ZNRF3: variants seen among roughly 807,000 people sequenced by gnomAD.
ZNRF3 encodes the protein E3 ubiquitin-protein ligase ZNRF3.
In ZNRF3, 23 loss-of-function variants were observed where a neutral mutation model predicts 72.5. That is an observed-to-expected ratio of 0.32 (90% CI 0.23 to 0.45). The LOEUF is 0.45. Ranked by LOEUF, ZNRF3 falls within the 20% of genes least tolerant of loss-of-function variation. The pLI is 1.00. For synonymous variants in ZNRF3, 610 were observed against 545.3 expected (o/e 1.12, Z -1.65); for missense variants, 1,169 against 1,272.1 (o/e 0.92, Z 1.23).
intron 1 of ZNRF3, among the ~76,000 whole-genome samples, chr22:28,964,499 A>G (rs2035424492): frequency 6.6e-6 from 1 of 152,212 alleles, no homozygotes; most frequent in Non-Finnish European, 1.5e-5. Flanking sequence ...GTGTATCCAG[A>G]GGCCATGCAG....
At position 29,056,903 on chromosome 22, in the gene ZNRF3, C is replaced by G. The variant is rs544421976; in HGVS notation, c.*3281C>G. ...TCACATACTTATGTGCTGCTAGTCT[C>G]TACTCGAAGTTCGTGCAGGACTAAT... On this transcript the variant is annotated 3_prime_UTR_variant, in exon 9 of 9. Coordinates refer to ENST00000544604, the MANE Select transcript of ZNRF3 (RefSeq NM_001206998.2). 2.0e-4 allele frequency: 30 copies of G among 152,340 alleles called. No individual in the cohort carries two copies. The highest frequency in any genetic ancestry group is 6.7e-4 in the African/African-American group (28 of 41,574). 9.4% of individuals were successfully genotyped at this position (152,340 alleles called of 1,614,324 possible). A position where few individuals can be genotyped will look rare whatever the true frequency, so the allele number is the denominator to read the frequency against.
At chr22:29,045,732 C>T (rs970265064) in intron 5 of ZNRF3, among the ~76,000 whole-genome samples, 4 of 152,220 alleles carry the variant, frequency 2.6e-5, no homozygotes, top group East Asian at 3.8e-4. Flanking sequence ...CCGCCTCGGC[C>T]TCCCAAAATG....
intron 1 of ZNRF3, among the ~76,000 whole-genome samples, chr22:28,911,339 G>A (rs1239417945): frequency 1.3e-5 from 2 of 152,184 alleles, no homozygotes; most frequent in Non-Finnish European, 2.9e-5. Flanking sequence ...TGATGTCTAT[G>A]TGCATGACCG....
At chr22:28,961,161 T>C (rs547185254) in intron 1 of ZNRF3, among the ~76,000 whole-genome samples, 1 of 152,244 alleles carries the variant, frequency 6.6e-6, no homozygotes. Flanking sequence ...CACAAAAGGG[T>C]CAACTCTTCT....
intron 1 of ZNRF3, among the ~76,000 whole-genome samples, chr22:28,899,315 G>GT (rs2034061465): frequency 6.6e-6 from 1 of 152,142 alleles, no homozygotes; most frequent in Non-Finnish European, 1.5e-5. Flanking sequence ...ATCACTGTAA[G>GT]TTTTCACATT....
intron 2 of ZNRF3, among the ~76,000 whole-genome samples, chr22:29,032,676 C>A (rs2036785034): frequency 6.6e-6 from 1 of 152,228 alleles, no homozygotes; most frequent in South Asian, 2.1e-4. Context: ...TAGCAGGGCC[C>A]ATGGTGTTTG....
intron 4 of ZNRF3, among the ~76,000 whole-genome samples, chr22:29,044,048 G>C (rs1358954459): frequency 6.6e-6 from 1 of 152,184 alleles, no homozygotes; most frequent in Non-Finnish European, 1.5e-5. Flanking sequence ...ACCTTGGGCT[G>C]GTGCCCTATA....
intron 2 of ZNRF3, among the ~76,000 whole-genome samples, chr22:29,012,243 A>G (rs1392318116): frequency 1.3e-5 from 2 of 152,238 alleles, no homozygotes; most frequent in African/African-American, 4.8e-5. Context: ...CCAAGGTCCA[A>G]TTGAATGGGT....
intron 2 of ZNRF3, among the ~76,000 whole-genome samples, chr22:29,039,114 A>G (rs1473497822): frequency 6.6e-6 from 1 of 152,158 alleles, no homozygotes; most frequent in Non-Finnish European, 1.5e-5. Flanking sequence ...ACCAGGAAAC[A>G]TATCACCATG....
At chr22:29,018,985 G>A (rs777162992) in intron 2 of ZNRF3, among the ~76,000 whole-genome samples, 2 of 151,030 alleles carry the variant, frequency 1.3e-5, no homozygotes, top group African/African-American at 2.4e-5. Flanking sequence ...GGGACTGAGT[G>A]ATCTAGGATG....
chr22:28,929,099 T>A (rs1167529055), intron 1 of ZNRF3, among the ~76,000 whole-genome samples: 1 of 152,266 alleles, frequency 6.6e-6, no homozygotes, highest in Non-Finnish European at 1.5e-5. Flanking sequence ...TTTGACTGCA[T>A]AAGCACAAAT....
At chr22:28,914,106 A>G (rs2034367484) in intron 1 of ZNRF3, among the ~76,000 whole-genome samples, 1 of 152,160 alleles carries the variant, frequency 6.6e-6, no homozygotes, top group Admixed American at 6.5e-5. Flanking sequence ...CAAAGGACCC[A>G]AAGTACTGGG....
chr22:28,959,926 G>T lies in ZNRF3; in HGVS notation c.301-27150G>T, dbSNP rs575074695. Among the ~76,000 whole-genome samples, 15 of 152,350 alleles carry T rather than the reference G, an allele frequency of 9.8e-5. No homozygotes were observed. In the South Asian group the frequency reaches 3.1e-3, roughly 32 times the overall value. ...GTGAAACCTGCCTCAGTGGCACCTT[G>T]ATCTTGGACTTCCCAGCTCCAGAAC... On this transcript the variant is annotated intron_variant, in intron 1 of 8. Coordinates refer to ENST00000544604, the MANE Select transcript of ZNRF3 (RefSeq NM_001206998.2).
chr22:28,994,177 T>C (rs1465209273), intron 2 of ZNRF3, among the ~76,000 whole-genome samples: 1 of 11,048 alleles, frequency 9.1e-5, no homozygotes. Flanking sequence ...AGTTCCTTTC[T>C]TTTTTTTTTT....
At chr22:29,016,037 A>AAG (rs1344916697) in intron 2 of ZNRF3, among the ~76,000 whole-genome samples, 5 of 150,112 alleles carry the variant, frequency 3.3e-5, no homozygotes, top group African/African-American at 9.9e-5. Flanking sequence ...AAACAAAAAA[A>AAG]CTGAAACTGG....
chr22:29,029,384 T>C (rs1385753123), intron 2 of ZNRF3, among the ~76,000 whole-genome samples: 1 of 152,234 alleles, frequency 6.6e-6, no homozygotes, highest in Non-Finnish European at 1.5e-5. Flanking sequence ...TCTTCTGCCT[T>C]CTCAATGAGT....
chr22:28,923,405 TG>T (rs1444565499), intron 1 of ZNRF3, among the ~76,000 whole-genome samples: 2 of 152,158 alleles, frequency 1.3e-5, no homozygotes, highest in South Asian at 2.1e-4. Flanking sequence ...GAAAGTCAGA[TG>T]TGATCTACCC....
chr22:28,943,298 A>G (rs905548017), intron 1 of ZNRF3, among the ~76,000 whole-genome samples: 4 of 150,964 alleles, frequency 2.6e-5, no homozygotes, highest in African/African-American at 9.8e-5. Context: ...CTGGACTTTG[A>G]TGGGGACATG....
At chr22:28,981,857 C>T (rs1048207060) in intron 1 of ZNRF3, among the ~76,000 whole-genome samples, 7 of 152,088 alleles carry the variant, frequency 4.6e-5, no homozygotes, top group East Asian at 3.9e-4. Context: ...ATTAGCTGAG[C>T]GTGGTGGCGG....
Sources: gnomAD v4.1 joint callset for allele counts (sites outside exome capture counted in the v4.1 genomes callset) on GRCh38, gnomAD v4.1.1 for gene constraint, MANE v1.5 for transcripts, NCBI Gene and HGNC (gene_info 2026-07-23, HGNC 2026-07-21) for gene names.